Variants in ZMYM2 observed in about 807,000 individuals in gnomAD.
ZMYM2 encodes zinc finger MYM-type containing 2, also known as zinc finger MYM-type protein 2.
Under a neutral mutation model 162.8 loss-of-function variants are expected in ZMYM2, and 56 were observed. The ratio of observed to expected loss-of-function variants is 0.34; its 90% CI spans 0.28 to 0.43. The LOEUF (loss-of-function observed/expected upper bound fraction) is 0.43. Ranked by LOEUF, ZMYM2 falls within the 20% of genes least tolerant of loss-of-function variation. ZMYM2 has a pLI of 1.00. For synonymous variants in ZMYM2, 510 were observed against 541.6 expected, an observed-to-expected ratio of 0.94 and a Z score of 0.81; for missense variants, 1,275 against 1,621.8, an observed-to-expected ratio of 0.79 and a Z score of 3.67.
intron 2 of ZMYM2, chr13:19,965,122 C>G: frequency 1.8e-6 from 1 of 553,218 alleles, no homozygotes. Context: ...CATAGCTATT[C>G]TAAGTAACAT....
intron 12 of ZMYM2, among the ~76,000 whole-genome samples, chr13:20,047,173 C>T (rs762614426): frequency 1.3e-5 from 2 of 152,212 alleles, no homozygotes; most frequent in Non-Finnish European, 2.9e-5. Context: ...AGAGTTGTCT[C>T]TCTTCATTCA....
chr13:19,978,555 T>TA (rs533074868), intron 2 of ZMYM2, among the ~76,000 whole-genome samples: 144 of 152,208 alleles, frequency 9.5e-4, no homozygotes, highest in African/African-American at 3.4e-3. Context: ...TAGCTGGGAT[T>TA]ACAGGCATGT....
chr13:20,043,399 T>A (rs531668369), intron 12 of ZMYM2, among the ~76,000 whole-genome samples: 4 of 152,238 alleles, frequency 2.6e-5, no homozygotes, highest in East Asian at 3.9e-4. Context: ...TAGTTGGTGC[T>A]GGGGTGCCTG....
the ZMYM2 span, among the ~76,000 whole-genome samples, chr13:19,923,511 T>C: frequency 7.2e-6 from 1 of 138,988 alleles, no homozygotes; most frequent in African/African-American, 2.6e-5. Context: ...TATATCTATT[T>C]GTATCTGTTT....
At chr13:19,899,466 A>G in the ZMYM2 span, among the ~76,000 whole-genome samples, 12 of 152,040 alleles carry the variant, frequency 7.9e-5, no homozygotes, top group African/African-American at 2.9e-4. Context: ...CAAAGCTAGC[A>G]AAAGGAAGGA....
At chr13:19,912,740 A>G in the ZMYM2 span, among the ~76,000 whole-genome samples, 3 of 152,206 alleles carry the variant, frequency 2.0e-5, no homozygotes, top group Non-Finnish European at 4.4e-5. Flanking sequence ...AGTTGAAACT[A>G]CTTTAGAGTT....
At chr13:20,042,077 A>G (rs923132226) in intron 12 of ZMYM2, among the ~76,000 whole-genome samples, 1 of 152,092 alleles carries the variant, frequency 6.6e-6, no homozygotes, top group Non-Finnish European at 1.5e-5. Context: ...GGGGTTCTCT[A>G]CATTTCCTGA....
At chr13:19,899,816 C>CAAAAAAAAAAA in the ZMYM2 span, among the ~76,000 whole-genome samples, 4 of 64,986 alleles carry the variant, frequency 6.2e-5, no homozygotes, top group East Asian at 4.3e-4. Context: ...GACTCTGACT[C>CAAAAAAAAAAA]AAAAAAAAAA....
intron 6 of ZMYM2, among the ~76,000 whole-genome samples, chr13:20,018,425 T>C (rs942560017): frequency 6.6e-6 from 1 of 152,214 alleles, no homozygotes; most frequent in Admixed American, 6.5e-5. Flanking sequence ...GATGCTATAG[T>C]GAATGTCTTC....
intron 2 of ZMYM2, among the ~76,000 whole-genome samples, chr13:19,966,338 T>C (rs1235845377): frequency 6.6e-6 from 1 of 151,522 alleles, no homozygotes; most frequent in Non-Finnish European, 1.5e-5. Context: ...TTCTACATGT[T>C]GGTGAGGCTG....
intron 3 of ZMYM2, among the ~76,000 whole-genome samples, chr13:19,995,677 C>T (rs1254371588): frequency 6.6e-6 from 1 of 151,668 alleles, no homozygotes; most frequent in African/African-American, 2.4e-5. Flanking sequence ...CTGTACCCAG[C>T]CCCCCACCTT....
At chr13:19,866,490 A>AC in the ZMYM2 span, among the ~76,000 whole-genome samples, 1,829 of 151,444 alleles carry the variant, frequency 0.012, 39 homozygotes, top group African/African-American at 0.04. Flanking sequence ...ACATGGCGAA[A>AC]CCCCGTCCCT....
In ZMYM2 at chr13:20,087,160, A is replaced by G. The variant is rs1256585808; in HGVS notation, c.*1146A>G. The G allele has an allele frequency of 2.1e-5, 4 of 188,128 alleles. No homozygotes were observed. Among genetic ancestry groups the G allele is most frequent in the East Asian group, 8.6e-5 (1 of 11,694 alleles). The allele number at this position is 188,128 out of a possible 1,614,324, so 11.7% of individuals were successfully genotyped here. On this transcript the variant is annotated 3_prime_UTR_variant, in exon 25 of 25. Coordinates refer to ENST00000610343, the MANE Select transcript of ZMYM2 (RefSeq NM_197968.4). Reference sequence around the variant, plus strand: ...CCAGTGTAGTAATTCTGATATTGCAAATGATTGAGGAACAAACAAAGAAAC... The same window carrying G: ...CCAGTGTAGTAATTCTGATATTGCAGATGATTGAGGAACAAACAAAGAAAC...
Position 20,058,622 on chromosome 13 carries a change from C to T in ZMYM2, c.2541C>T (p.Asn847=). 4 of 1,613,766 alleles carry T rather than the reference C, an allele frequency of 2.5e-6. No homozygotes were observed. Among genetic ancestry groups the T allele is most frequent in the Non-Finnish European group, 3.4e-6 (4 of 1,179,758 alleles). ...CAACACCTAACAAAGAGATGAAGAACAAAGCAGTTCTTTGCAAACCTTTAA... is the reference window on the plus strand; with the variant it reads ...CAACACCTAACAAAGAGATGAAGAATAAAGCAGTTCTTTGCAAACCTTTAA... ...PSPTPNKEMK[N]KAVLCKPLTM... The change falls in exon 15 of 25, where the codon AAC becomes AAT. Residue 847 remains asparagine (N), a synonymous_variant. Coordinates refer to ENST00000610343, the MANE Select transcript of ZMYM2 (RefSeq NM_197968.4).
At chr13:19,936,579 G>A in the ZMYM2 span, among the ~76,000 whole-genome samples, 5 of 151,948 alleles carry the variant, frequency 3.3e-5, no homozygotes, top group Admixed American at 6.6e-5. Flanking sequence ...AAAATTAGCC[G>A]GGCCTGGTGG....
At chr13:19,991,072 GTAT>G (rs1347970809) in intron 2 of ZMYM2, among the ~76,000 whole-genome samples, 4 of 134,268 alleles carry the variant, frequency 3.0e-5, no homozygotes, top group Non-Finnish European at 6.4e-5. Flanking sequence ...GTGTACGTAT[GTAT>G]TTTCTGTGTG....
At chr13:19,917,154 G>T in the ZMYM2 span, among the ~76,000 whole-genome samples, 2 of 151,862 alleles carry the variant, frequency 1.3e-5, no homozygotes, top group Non-Finnish European at 2.9e-5. Context: ...AGTAGAGACA[G>T]GGTTTCACTG....
In ZMYM2 at chr13:20,059,328, A is replaced by AT. The variant is rs779115840; in HGVS notation, c.2624-117dup. The stretch of plus-strand genomic sequence containing the variant: ...GTTACCTAACTTAAAAAAACTGGGA[A>AT]TTAAAAAAAAAAAGGTACTGAGGTA... On this transcript the variant is annotated intron_variant, in intron 15 of 24. Transcript: ENST00000610343. 818 of 811,604 alleles carry AT rather than the reference A, an allele frequency of 1.0e-3. 10 individuals are homozygous for AT. In the Admixed American group the frequency reaches 0.022, roughly 22 times the overall value. 50.3% of individuals were successfully genotyped at this position (811,604 alleles called of 1,614,324 possible).
intron 12 of ZMYM2, among the ~76,000 whole-genome samples, chr13:20,041,690 C>T (rs1346761728): frequency 6.6e-6 from 1 of 152,008 alleles, no homozygotes; most frequent in East Asian, 1.9e-4. Context: ...TGTTAATGGT[C>T]TTTCCATATT....
Sources: gnomAD v4.1 joint callset for allele counts (sites outside exome capture counted in the v4.1 genomes callset) on GRCh38, gnomAD v4.1.1 for gene constraint, MANE v1.5 for transcripts, NCBI Gene and HGNC (gene_info 2026-07-23, HGNC 2026-07-21) for gene names.